Variants in PRKCA observed in about 807,000 individuals in gnomAD.
PRKCA encodes the protein protein kinase C alpha, also known as protein kinase C alpha type.
A neutral mutation model predicts 87.0 loss-of-function variants in PRKCA; 27 were observed. The ratio of observed to expected loss-of-function variants is 0.31; its 90% confidence interval spans 0.23 to 0.43. The LOEUF (loss-of-function observed/expected upper bound fraction) is 0.43, where lower values mean the gene tolerates loss of function less well. Ranked by LOEUF, PRKCA falls within the 20% of genes least tolerant of loss-of-function variation. The pLI is 1.00. For missense variants in PRKCA, 518 were observed against 852.3 expected, an observed-to-expected ratio of 0.61 and a Z score of 4.88; for synonymous variants, 329 against 311.1, an observed-to-expected ratio of 1.06 and a Z score of -0.61.
In PRKCA at chr17:66,655,946, C is replaced by T. The variant is rs985719724; in HGVS notation, c.529+10435C>T. 3.3e-5 allele frequency among the ~76,000 whole-genome samples: 5 copies of T among 152,120 alleles called. No individual in the cohort carries two copies. In the South Asian group the frequency reaches 6.2e-4, roughly 19 times the overall value. The stretch of plus-strand genomic sequence containing the variant: ...CAGAGACACATGATTATTTACATTC[C>T]GACTGTGGTACCTCGTCCTGACTGA... On this transcript the variant is annotated intron_variant, in intron 5 of 16. Transcript: ENST00000413366.
chr17:66,591,668 G>C (rs117328371), intron 3 of PRKCA, among the ~76,000 whole-genome samples: 8,289 of 152,198 alleles, frequency 0.054, 273 homozygotes, highest in Non-Finnish European at 0.081. Flanking sequence ...CTTTTTCCGT[G>C]TAAGGTTGGA....
At chr17:66,565,123 C>CCGTT (rs1178573908) in intron 3 of PRKCA, among the ~76,000 whole-genome samples, 2 of 152,156 alleles carry the variant, frequency 1.3e-5, no homozygotes. Context: ...AGTTCCTTAC[C>CCGTT]CGTTAAGCCT....
chr17:66,650,351 G>GT (rs528480549), intron 5 of PRKCA, among the ~76,000 whole-genome samples: 166 of 124,126 alleles, frequency 1.3e-3, no homozygotes, highest in Non-Finnish European at 1.8e-3. Flanking sequence ...TCAGAATGGT[G>GT]TCGGGGTTTT....
chr17:66,367,100 G>T (rs1456560674), intron 2 of PRKCA, among the ~76,000 whole-genome samples: 1 of 152,210 alleles, frequency 6.6e-6, no homozygotes, highest in African/African-American at 2.4e-5. Context: ...CGTGCCAAAA[G>T]CAAGGCATTT....
intron 2 of PRKCA, among the ~76,000 whole-genome samples, chr17:66,385,399 T>C (rs1053171181): frequency 1.3e-5 from 2 of 152,244 alleles, no homozygotes; most frequent in African/African-American, 4.8e-5. Context: ...GTATTAGTTC[T>C]AAATCATCCA....
intron 2 of PRKCA, among the ~76,000 whole-genome samples, chr17:66,407,212 A>G (rs558702448): frequency 6.6e-6 from 1 of 151,560 alleles, no homozygotes; most frequent in East Asian, 1.9e-4. Context: ...CCCAAATCTC[A>G]TGTGGAACTG....
At chr17:66,732,866 GA>G in intron 9 of PRKCA, 41 bp downstream of exon 9, 1 of 1,592,236 alleles carries the variant, frequency 6.3e-7, no homozygotes. Context: ...GGCTTCTGCA[GA>G]GAATGTCGAA....
chr17:66,688,800 C>A, intron 7 of PRKCA, 151 bp from the exon 8 acceptor site: 1 of 644,164 alleles, frequency 1.6e-6, no homozygotes, highest in Non-Finnish European at 2.7e-6. Context: ...TACCCTGTCT[C>A]AAAAATATAA....
At chr17:66,447,360 T>C (rs1435208402) in intron 2 of PRKCA, among the ~76,000 whole-genome samples, 1 of 152,092 alleles carries the variant, frequency 6.6e-6, no homozygotes, top group Non-Finnish European at 1.5e-5. Flanking sequence ...GCCAGGCGAG[T>C]TCTGAGCCGG....
chr17:66,461,378 T>A (rs1350305123), intron 2 of PRKCA, among the ~76,000 whole-genome samples: 1 of 152,180 alleles, frequency 6.6e-6, no homozygotes, highest in Non-Finnish European at 1.5e-5. Context: ...CCAGCATATG[T>A]CATTGGCACA....
At chr17:66,401,774 C>G (rs1911047310) in intron 2 of PRKCA, among the ~76,000 whole-genome samples, 1 of 152,148 alleles carries the variant, frequency 6.6e-6, no homozygotes, top group South Asian at 2.1e-4. Flanking sequence ...AGATAACCCA[C>G]AGATTTCTGG....
intron 3 of PRKCA, among the ~76,000 whole-genome samples, chr17:66,590,836 C>T (rs1169816880): frequency 6.6e-6 from 1 of 151,696 alleles, no homozygotes; most frequent in African/African-American, 2.4e-5. Context: ...GGCAACGGAG[C>T]AAGACTCCGT....
At chr17:66,370,872 G>C (rs1245210345) in intron 2 of PRKCA, among the ~76,000 whole-genome samples, 1 of 152,152 alleles carries the variant, frequency 6.6e-6, no homozygotes, top group Non-Finnish European at 1.5e-5. Context: ...AGAGCAGAGA[G>C]TAAGCAGCAA....
At chr17:66,477,903 G>C in intron 2 of PRKCA, among the ~76,000 whole-genome samples, 1 of 152,190 alleles carries the variant, frequency 6.6e-6, no homozygotes, top group East Asian at 1.9e-4. Flanking sequence ...TCTTTCGGAT[G>C]TATTTATTGG....
chr17:66,735,646 C>T lies in PRKCA; in HGVS notation c.1214C>T (p.Ser405Phe). The T allele has an allele frequency of 6.2e-7, 1 of 1,614,072 alleles. No individual in the cohort carries two copies. ...CCCCCGTTCTTGACGCAGCTGCACT[C>T]CTGCTTCCAGACAGTGGTAAGGACC... ...DKPPFLTQLHSCFQTVDRLYF... is the reference protein window; with the variant it reads ...DKPPFLTQLHFCFQTVDRLYF... The change falls in exon 10 of 17, where the codon TCC becomes TTC. Residue 405 changes from serine to phenylalanine, a missense_variant. Around this residue, in one of 5 missense-constraint regions of PRKCA, gnomAD observed 300 missense variants for 496.8 expected, o/e 0.60. Coordinates refer to ENST00000413366, the MANE Select transcript of PRKCA (RefSeq NM_002737.3).
At chr17:66,414,449 C>G (rs1022521294) in intron 2 of PRKCA, among the ~76,000 whole-genome samples, 1 of 152,304 alleles carries the variant, frequency 6.6e-6, no homozygotes, top group Non-Finnish European at 1.5e-5. Flanking sequence ...TCCTGTACGG[C>G]CTGTGGAACT....
chr17:66,451,347 T>TTA (rs1567836069), intron 2 of PRKCA, among the ~76,000 whole-genome samples: 82 of 76,364 alleles, frequency 1.1e-3, no homozygotes, highest in African/African-American at 3.2e-3. Flanking sequence ...AGTTAGAATT[T>TTA]ATTTATTTAT....
At chr17:66,576,755 G>A (rs769661368) in intron 3 of PRKCA, among the ~76,000 whole-genome samples, 1 of 152,180 alleles carries the variant, frequency 6.6e-6, no homozygotes, top group Non-Finnish European at 1.5e-5. Flanking sequence ...TGTCTCCTGA[G>A]TGAGGAGCAT....
chr17:66,343,205 T>C (rs1244230851), intron 2 of PRKCA, among the ~76,000 whole-genome samples: 1 of 152,170 alleles, frequency 6.6e-6, no homozygotes, highest in Admixed American at 6.5e-5. Flanking sequence ...GCATATAAGT[T>C]TAAGTAATTT....
Sources: gnomAD v4.1 joint callset for allele counts (sites outside exome capture counted in the v4.1 genomes callset) on GRCh38, gnomAD v4.1.1 for gene constraint, gnomAD v4.1.1 regional missense constraint, MANE v1.5 for transcripts, NCBI Gene and HGNC (gene_info 2026-07-23, HGNC 2026-07-21) for gene names.